BICRA: variants seen among roughly 807,000 people sequenced by gnomAD.
BICRA encodes BRD4-interacting chromatin-remodeling complex-associated protein.
Under a neutral mutation model 96.9 loss-of-function variants are expected in BICRA, and 31 were observed. The ratio of observed to expected loss-of-function variants is 0.32; its 90% CI spans 0.24 to 0.43. The LOEUF (loss-of-function observed/expected upper bound fraction) is 0.43. Ranked by LOEUF, BICRA falls within the 20% of genes least tolerant of loss-of-function variation. BICRA has a pLI of 1.00. For synonymous variants in BICRA, 1,350 were observed against 1,071.8 expected (o/e 1.26, Z -5.07); for missense variants, 2,283 against 2,190.3 (o/e 1.04, Z -0.84).
Position 47,664,590 on chromosome 19 carries a change from C to T in BICRA, c.-107-5853C>T, listed in dbSNP as rs367675948. On this transcript the variant is annotated intron_variant, in intron 1 of 14. Coordinates refer to ENST00000594866, the MANE Select transcript of BICRA (RefSeq NM_001394372.1). ...TGCTTCCGTGGGGATGGGGAGGGATCGGTGGGTATGGAGTAAGCACAGGGG... is the reference window on the plus strand; with the variant it reads ...TGCTTCCGTGGGGATGGGGAGGGATTGGTGGGTATGGAGTAAGCACAGGGG... Among the ~76,000 whole-genome samples, 5 of 152,230 alleles carry T rather than the reference C, an allele frequency of 3.3e-5. No homozygotes were observed. In the East Asian group the frequency reaches 7.7e-4, roughly 24 times the overall value.
chr19:47,685,786 T>TGTGCGCGCGCGCGC lies in BICRA; in HGVS notation c.2283+3635_2283+3636insTGCGCGCGCGCGCG. On this transcript the variant is annotated intron_variant, in intron 7 of 14. Transcript: ENST00000594866. Reference sequence around the variant, plus strand: ...GTGTGTGTGTGTGTGTGTGTGTGTGTGCGCGCGCGCGCGCATGCGTACATT... The same window carrying TGTGCGCGCGCGCGC: ...GTGTGTGTGTGTGTGTGTGTGTGTGTGTGCGCGCGCGCGCGCGCGCGCGCGCGCATGCGTACATT... 1.2e-3 allele frequency among the ~76,000 whole-genome samples: 144 copies of TGTGCGCGCGCGCGC among 117,950 alleles called. 1 individual carries two copies. Among genetic ancestry groups the TGTGCGCGCGCGCGC allele is most frequent in the East Asian group, 5.9e-3 (17 of 2,866 alleles). 77.4% of individuals were successfully genotyped at this position (117,950 alleles called of 152,430 possible).
chr19:47,648,875 G>A (rs1375987450), intron 1 of BICRA, among the ~76,000 whole-genome samples: 8 of 147,028 alleles, frequency 5.4e-5, no homozygotes, highest in African/African-American at 1.8e-4. Context: ...TTTTTGAGGC[G>A]GAGTCTCACT....
chr19:47,671,000 A>G (rs911962495), intron 2 of BICRA, among the ~76,000 whole-genome samples: 1 of 152,090 alleles, frequency 6.6e-6, no homozygotes, highest in Non-Finnish European at 1.5e-5. Flanking sequence ...CCTGAGAGGT[A>G]GAGTAATTGG....
intron 2 of BICRA, among the ~76,000 whole-genome samples, chr19:47,673,088 C>T (rs556437773): frequency 2.0e-5 from 3 of 152,258 alleles, no homozygotes; most frequent in South Asian, 2.1e-4. Context: ...CCCCACCACA[C>T]GCCTCATGTC....
chr19:47,648,808 C>G (rs1369140385), intron 1 of BICRA, among the ~76,000 whole-genome samples: 1 of 151,656 alleles, frequency 6.6e-6, no homozygotes, highest in Admixed American at 6.6e-5. Flanking sequence ...TCCCTCAGCC[C>G]CCTGAGTAGC....
At chr19:47,663,236 A>G (rs576675351) in intron 1 of BICRA, 1 of 152,216 alleles carries the variant, frequency 6.6e-6, no homozygotes, top group African/African-American at 2.4e-5. Context: ...AAAAATACAA[A>G]AATTAGCCGG....
chr19:47,637,272 A>C (rs1000028890), intron 1 of BICRA, among the ~76,000 whole-genome samples: 6 of 151,712 alleles, frequency 4.0e-5, no homozygotes, highest in Non-Finnish European at 8.8e-5. Context: ...GGCGCCCGCC[A>C]CCACACCCGG....
intron 7 of BICRA, among the ~76,000 whole-genome samples, chr19:47,687,419 A>G (rs537104215): frequency 6.6e-6 from 1 of 152,184 alleles, no homozygotes; most frequent in African/African-American, 2.4e-5. Context: ...TGTGATATGG[A>G]CATACCATTA....
chr19:47,669,314 A>G (rs1972828548), intron 1 of BICRA, among the ~76,000 whole-genome samples: 1 of 152,146 alleles, frequency 6.6e-6, no homozygotes. Flanking sequence ...GGCTTCAAAC[A>G]GAAACGCATA....
intron 1 of BICRA, among the ~76,000 whole-genome samples, chr19:47,653,083 TA>T (rs1447013563): frequency 6.6e-6 from 1 of 150,694 alleles, no homozygotes; most frequent in East Asian, 1.9e-4. Flanking sequence ...AGTGCAGTGT[TA>T]TGTTCTCAGC....
Position 47,680,016 on chromosome 19 carries a change from A to T in BICRA, c.846A>T (p.Pro282=), listed in dbSNP as rs751977795. The T allele has an allele frequency of 2.4e-5, 36 of 1,512,842 alleles. No individual in the cohort carries two copies. The highest frequency in any genetic ancestry group is 3.2e-5 in the Non-Finnish European group (36 of 1,141,770). 93.7% of individuals were successfully genotyped at this position (1,512,842 alleles called of 1,614,324 possible). ...PVTLASAGVS[P]QGAGLVIQKN... is the part of the protein sequence containing the mutation. ...CGCTGGCGTCGGCCGGTGTCTCGCCACAGGGGGCTGGCCTGGTCATCCAGA... is the reference window on the plus strand; with the variant it reads ...CGCTGGCGTCGGCCGGTGTCTCGCCTCAGGGGGCTGGCCTGGTCATCCAGA... The change falls in exon 6 of 15, where the codon CCA becomes CCT. Residue 282 remains proline, a synonymous_variant. Coordinates refer to ENST00000594866, the MANE Select transcript of BICRA (RefSeq NM_001394372.1).
chr19:47,680,951 C>T lies in BICRA; in HGVS notation c.1781C>T (p.Ala594Val). Reference sequence around the variant, plus strand: ...GTCACCCTGCCCCCCAGCGCCGTGGCCATGCTCAACACCCCCGACGGCCTG... The same window carrying T: ...GTCACCCTGCCCCCCAGCGCCGTGGTCATGCTCAACACCCCCGACGGCCTG... ...QGVTLPPSAVAMLNTPDGLVQ... is the reference protein window; with the variant it reads ...QGVTLPPSAVVMLNTPDGLVQ... The change falls in exon 6 of 15, where the codon GCC (alanine) becomes GTC (valine). Residue 594 changes from alanine (A) to valine (V), a missense_variant. By Grantham distance (64) the Ala-to-Val change is moderately conservative (BLOSUM62 0). Transcript: ENST00000594866. The T allele has an allele frequency of 6.7e-7, 1 of 1,482,164 alleles. No individual in the cohort carries two copies. 91.8% of individuals were successfully genotyped at this position (1,482,164 alleles called of 1,614,324 possible).
chr19:47,667,380 T>G (rs1972798478), intron 1 of BICRA, among the ~76,000 whole-genome samples: 1 of 152,214 alleles, frequency 6.6e-6, no homozygotes, highest in Non-Finnish European at 1.5e-5. Context: ...CAGAGACAGC[T>G]CTGCAGCCTC....
In BICRA at chr19:47,680,820, C is replaced by A; in HGVS notation, c.1650C>A (p.Gly550=). Residue 550 remains glycine (G), a synonymous_variant, in exon 6 of 15, where the codon GGC becomes GGA. Transcript: ENST00000594866. ...HILSAAPIQV[G]QPALFQMPVS... ...TCTCCGCCGCTCCCATCCAGGTGGG[C>A]CAGCCTGCGCTCTTCCAGATGCCCG... is the stretch of plus-strand genomic sequence containing the variant. The A allele has an allele frequency of 6.2e-7, 1 of 1,603,850 alleles. No homozygotes were observed.
At chr19:47,620,667 C>CAAA (rs10675281) in intron 1 of BICRA, among the ~76,000 whole-genome samples, 12,528 of 67,074 alleles carry the variant, frequency 0.19, 1,885 homozygotes, top group Non-Finnish European at 0.2. Context: ...GAGACTGTCT[C>CAAA]AAAAAAAAAA....
chr19:47,694,660 C>A lies in BICRA; in HGVS notation c.2829C>A (p.Phe943Leu). 6.3e-7 allele frequency: 1 copy of A among 1,596,442 alleles called. No homozygotes were observed. Among genetic ancestry groups the A allele is most frequent in the East Asian group, 2.2e-5 (1 of 44,560 alleles). Residue 943 changes from phenylalanine (F) to leucine (L), a missense_variant, in exon 8 of 15, where the codon TTC (phenylalanine) becomes TTA (leucine). Coordinates refer to ENST00000594866, the MANE Select transcript of BICRA (RefSeq NM_001394372.1). ...CCCCCCCACCGCCTCCTCGGACCTT[C>A]CAGATGGTGACCACCCCCTTCCCAG... ...AAPPPPPPRT[F>L]QMVTTPFPAL...
intron 1 of BICRA, among the ~76,000 whole-genome samples, chr19:47,632,180 C>T (rs923101699): frequency 2.6e-5 from 4 of 152,278 alleles, no homozygotes; most frequent in South Asian, 2.1e-4. Context: ...GTGTTTCCAC[C>T]GGCCAGATTC....
intron 1 of BICRA, among the ~76,000 whole-genome samples, chr19:47,636,210 C>A (rs1010883025): frequency 2.0e-5 from 3 of 152,118 alleles, no homozygotes; most frequent in Non-Finnish European, 4.4e-5. Flanking sequence ...GATGCTCAAC[C>A]TGTATTATTA....
rs1972921226 is a variant in BICRA at position 47,675,097 on chromosome 19, T to G, written c.85-754T>G. ...AGGTGGCATCAACTAGACTTGCTGG[T>G]GGACTCGATGTTGAGGGGGAGAGAG... On this transcript the variant is annotated intron_variant, in intron 4 of 14. Transcript: ENST00000594866. The surrounding 1 kb of genome is among the most constrained non-coding windows in gnomAD (Gnocchi z 4.7). Among the ~76,000 whole-genome samples, 1 of 152,136 alleles carries G rather than the reference T, an allele frequency of 6.6e-6. No individual in the cohort carries two copies. Among genetic ancestry groups the G allele is most frequent in the African/African-American group, 2.4e-5 (1 of 41,438 alleles).
Sources: gnomAD v4.1 joint callset for allele counts (sites outside exome capture counted in the v4.1 genomes callset) on GRCh38, gnomAD v4.1.1 for gene constraint, Gnocchi (gnomAD v3.1) non-coding constraint, MANE v1.5 for transcripts, NCBI Gene and HGNC (gene_info 2026-07-23, HGNC 2026-07-21) for gene names.